The following CFAP74 variants were observed in gnomAD, a reference collection of about 807,000 sequenced individuals.
The protein encoded by CFAP74 is cilia and flagella associated protein 74.
A neutral mutation model predicts 188.9 loss-of-function variants in CFAP74; 124 were observed. The observed-to-expected ratio is 0.66, with a 90% CI of 0.57 to 0.76. The LOEUF is 0.76. Among genes scored for constraint, CFAP74 ranks in the 30% least tolerant of loss-of-function variants. The pLI is 0.00. For missense variants in CFAP74, 2,198 were observed against 2,165.2 expected (o/e 1.02, Z -0.30); for synonymous variants, 956 against 916.7 (o/e 1.04, Z -0.77).
chr1:1,928,804 T>C lies in CFAP74; in HGVS notation c.3367A>G (p.Lys1123Glu). 1 of 1,535,614 alleles carries C rather than the reference T, an allele frequency of 6.5e-7. No homozygotes were observed. Among genetic ancestry groups the C allele is most frequent in the Non-Finnish European group, 8.7e-7 (1 of 1,146,702 alleles). Residue 1123 changes from lysine to glutamate, a missense_variant, in exon 27 of 39, where the codon AAA becomes GAA. By Grantham distance (56) the Lys-to-Glu change is moderately conservative. Coordinates refer to ENST00000682832, the MANE Select transcript of CFAP74 (RefSeq NM_001304360.2). ...IRQEALPLLN[K>E]EMETKSFRKN... ...CGCACAGATTTGGTCTCCATTTCTTTGTTCAGGAGTGGGAGGGCTTCCTGG... is the reference window on the plus strand; with the variant it reads ...CGCACAGATTTGGTCTCCATTTCTTCGTTCAGGAGTGGGAGGGCTTCCTGG...
intron 4 of CFAP74, 34 bp from the exon 5 acceptor site, chr1:1,987,069 C>G: frequency 6.5e-7 from 1 of 1,544,220 alleles, no homozygotes; most frequent in Non-Finnish European, 8.8e-7. Flanking sequence ...GATGATGGTT[C>G]CCTGAAACTC....
At chr1:1,972,640 G>C (rs1444607407) in intron 8 of CFAP74, among the ~76,000 whole-genome samples, 2 of 152,220 alleles carry the variant, frequency 1.3e-5, no homozygotes, top group Non-Finnish European at 2.9e-5. Context: ...GAGGTCAGGA[G>C]TTCAAGACCA....
At chr1:1,925,101 A>G (rs188945099) in intron 33 of CFAP74, among the ~76,000 whole-genome samples, 1,557 of 145,940 alleles carry the variant, frequency 0.011, 29 homozygotes, top group African/African-American at 0.036. Context: ...CACTGGTGCG[A>G]AGGCATGAGG....
chr1:1,952,091 AC>A (rs1654236321), intron 18 of CFAP74, among the ~76,000 whole-genome samples: 1 of 152,140 alleles, frequency 6.6e-6, no homozygotes, highest in Admixed American at 6.5e-5. Context: ...AGCTGAGACT[AC>A]AGGCGCCTGC....
rs545244581 is a variant in CFAP74, at chr1:1,927,752, G to C, written c.3388-6C>G. ...GGGGCCATATTCTTTCGGAACTGTG[G>C]GGGGAGCGACTGGCTGTGGGGCTGT... On this transcript the variant is annotated splice_region_variant and splice_polypyrimidine_tract_variant and intron_variant, in intron 27 of 38. Transcript: ENST00000682832. 207 of 1,549,266 alleles carry C rather than the reference G, an allele frequency of 1.3e-4. 2 individuals carry two copies. The Middle Eastern group carries it at 1.8e-3, about 14-fold the overall frequency.
intron 4 of CFAP74, among the ~76,000 whole-genome samples, 168 bp downstream of exon 4, chr1:1,988,344 T>C (rs920954709): frequency 6.6e-6 from 1 of 152,218 alleles, no homozygotes; most frequent in African/African-American, 2.4e-5. Context: ...CGCTGGGCAC[T>C]AGCTCCCGGG....
intron 1 of CFAP74, among the ~76,000 whole-genome samples, chr1:1,991,767 T>C (rs112590439): frequency 0.047 from 7,209 of 152,130 alleles, 292 homozygotes; most frequent in African/African-American, 0.11. Context: ...TGGCTGGGCG[T>C]GGTGGCTCAC....
Position 1,939,629 on chromosome 1 carries a change from G to A in CFAP74, c.2842C>T (p.Leu948=). 6.5e-7 allele frequency: 1 copy of A among 1,536,090 alleles called. No individual in the cohort carries two copies. Among genetic ancestry groups the A allele is most frequent in the South Asian group, 1.2e-5 (1 of 84,056 alleles). Reference sequence around the variant, plus strand: ...CTGACGAACCCGAACTCCTGGGGCAGGAGCGAGTGGTTGTGGAGGCTGATT... The same window carrying A: ...CTGACGAACCCGAACTCCTGGGGCAAGAGCGAGTGGTTGTGGAGGCTGATT... The part of the protein sequence containing the change: ...TEISLHNHSL[L]PQEFGFVRLP... Residue 948 remains leucine, a synonymous_variant, in exon 24 of 39, where the codon CTG becomes TTG. Coordinates refer to ENST00000682832, the MANE Select transcript of CFAP74 (RefSeq NM_001304360.2).
At chr1:1,949,606 A>ACACATC (rs2102055373) in intron 18 of CFAP74, among the ~76,000 whole-genome samples, 1 of 152,206 alleles carries the variant, frequency 6.6e-6, no homozygotes, top group South Asian at 2.1e-4. Flanking sequence ...TCATCACAGC[A>ACACATC]ATCAAGACAC....
chr1:1,939,022 C>T lies in CFAP74; in HGVS notation c.2878-34G>A, dbSNP rs568777196. On this transcript the variant is annotated intron_variant, in intron 24 of 38. Transcript: ENST00000682832. ...AGAAGAGTGCTCTGAGGGCATGTCA[C>T]GGGGAGACCATGTGGACACACGTGC... 150 of 1,529,562 alleles carry T rather than the reference C, an allele frequency of 9.8e-5. No homozygotes were observed. The South Asian group carries it at 1.4e-3, about 15-fold the overall frequency. 94.7% of individuals were successfully genotyped at this position (1,529,562 alleles called of 1,614,324 possible). A position where few individuals can be genotyped will look rare whatever the true frequency, so the allele number is the denominator to read the frequency against.
At chr1:1,980,895 G>A (rs959373667) in intron 6 of CFAP74, among the ~76,000 whole-genome samples, 53 of 151,918 alleles carry the variant, frequency 3.5e-4, no homozygotes, top group African/African-American at 1.2e-3. Context: ...GCGGCTAAGG[G>A]CTGGGGCGGC....
rs775860865 is a variant in CFAP74 at position 1,955,421 on chromosome 1, G to A, written c.2176+270C>T. The A allele has an allele frequency of 3.5e-4, 512 of 1,468,566 alleles. 2 individuals are homozygous for A. Among genetic ancestry groups the A allele is most frequent in the Non-Finnish European group, 1.3e-4 (139 of 1,096,906 alleles). The allele number at this position is 1,468,566 out of a possible 1,614,324, so 91.0% of individuals were successfully genotyped here. A position where few individuals can be genotyped will look rare whatever the true frequency, so the allele number is the denominator to read the frequency against. ...GCAGAGCCTCTTCCCCGCCCTGTGC[G>A]GCTCCGCCCGTGCTGGGCCTGCTGG... On this transcript the variant is annotated intron_variant, in intron 18 of 38. Coordinates refer to ENST00000682832, the MANE Select transcript of CFAP74 (RefSeq NM_001304360.2).
intron 6 of CFAP74, among the ~76,000 whole-genome samples, chr1:1,979,317 G>A (rs1213262685): frequency 2.2e-4 from 31 of 141,228 alleles, no homozygotes; most frequent in East Asian, 1.3e-3. Context: ...GTGCTGAGCT[G>A]GGCGTGGGAA....
intron 1 of CFAP74, among the ~76,000 whole-genome samples, chr1:2,001,983 G>A (rs946795174): frequency 1.3e-5 from 2 of 152,206 alleles, no homozygotes; most frequent in African/African-American, 4.8e-5. Flanking sequence ...AGTGCAAAGT[G>A]ACTCTAGGCT....
Position 1,946,894 on chromosome 1 carries a change from C to T in CFAP74, c.2241+96G>A. The T allele has an allele frequency of 5.3e-6, 5 of 945,264 alleles. No individual in the cohort carries two copies. In the South Asian group the frequency reaches 7.3e-5, roughly 14 times the overall value. 58.6% of individuals were successfully genotyped at this position (945,264 alleles called of 1,614,324 possible). A position where few individuals can be genotyped will look rare whatever the true frequency, so the allele number is the denominator to read the frequency against. On this transcript the variant is annotated intron_variant, in intron 19 of 38. Coordinates refer to ENST00000682832, the MANE Select transcript of CFAP74 (RefSeq NM_001304360.2). ...CTGGTCAAACGCAAGGGCCACCTAGCAGTGAGGGCCAGTGGGTTGGGGTGC... is the reference window on the plus strand; with the variant it reads ...CTGGTCAAACGCAAGGGCCACCTAGTAGTGAGGGCCAGTGGGTTGGGGTGC...
Position 1,988,497 on chromosome 1 carries a change from TCAGCCC to T in CFAP74, c.296+9_296+14del. ...ATCAAGAGGTGCAGGTGCAGCGGCC[TCAGCCC>T]CAGCTCACCTCATCTTCTCAGTGAA... On this transcript the variant is annotated intron_variant, in intron 4 of 38. Transcript: ENST00000682832. The T allele has an allele frequency of 1.9e-6, 3 of 1,609,266 alleles. No individual in the cohort carries two copies. Among genetic ancestry groups the T allele is most frequent in the Non-Finnish European group, 2.5e-6 (3 of 1,179,904 alleles).
chr1:1,992,978 A>T (rs1657677958), intron 1 of CFAP74, among the ~76,000 whole-genome samples: 1 of 151,366 alleles, frequency 6.6e-6, no homozygotes, highest in South Asian at 2.1e-4. Flanking sequence ...AGGTGGGCAG[A>T]TCACTTGAGG....
Position 1,944,406 on chromosome 1 carries a change from A to T in CFAP74, c.2411T>A (p.Val804Glu). The change falls in exon 21 of 39, where the codon GTG (valine) becomes GAG (glutamate). Residue 804 changes from valine (V) to glutamate (E), a missense_variant. Coordinates refer to ENST00000682832, the MANE Select transcript of CFAP74 (RefSeq NM_001304360.2). ...VGVAIDVPVWVPKPSVDLKIC... is the reference protein window; with the variant it reads ...VGVAIDVPVWEPKPSVDLKIC... Reference sequence around the variant, plus strand: ...CTTCAGGTCCACGCTGGGCTTCGGCACCCAGACCGGCACATCGATGGCCAC... The same window carrying T: ...CTTCAGGTCCACGCTGGGCTTCGGCTCCCAGACCGGCACATCGATGGCCAC... The T allele has an allele frequency of 1.3e-6, 2 of 1,536,114 alleles. No homozygotes were observed. Among genetic ancestry groups the T allele is most frequent in the Non-Finnish European group, 1.7e-6 (2 of 1,146,900 alleles).
chr1:1,928,021 C>T (rs994467456), intron 27 of CFAP74: 2 of 485,240 alleles, frequency 4.1e-6, no homozygotes, highest in Non-Finnish European at 7.5e-6. Flanking sequence ...GGGTCCCCAC[C>T]CTGGTGCCTT....
Sources: gnomAD v4.1 joint callset for allele counts (sites outside exome capture counted in the v4.1 genomes callset) on GRCh38, gnomAD v4.1.1 for gene constraint, MANE v1.5 for transcripts, NCBI Gene and HGNC (gene_info 2026-07-23, HGNC 2026-07-21) for gene names.